FHIT: variants seen among roughly 807,000 people sequenced by gnomAD.
FHIT encodes bis(5'-adenosyl)-triphosphatase.
A neutral mutation model predicts 17.9 loss-of-function variants in FHIT; 19 were observed. That is an observed-to-expected ratio of 1.06 (90% CI 0.74 to 1.56). The LOEUF (loss-of-function observed/expected upper bound fraction) is 1.56. FHIT is among the 40% of genes most tolerant of loss of function. The pLI is 0.00. For synonymous variants in FHIT, 81 were observed against 69.7 expected (o/e 1.16, Z -0.81); for missense variants, 248 against 189.2 (o/e 1.31, Z -1.82).
intron 1 of FHIT, among the ~76,000 whole-genome samples, chr3:61,203,772 C>G (rs1160609001): frequency 6.6e-6 from 1 of 152,198 alleles, no homozygotes; most frequent in Non-Finnish European, 1.5e-5. Context: ...AGAAATACTA[C>G]TTAAGGCATT....
chr3:60,760,310 G>C (rs2051997119), intron 4 of FHIT, among the ~76,000 whole-genome samples: 1 of 152,212 alleles, frequency 6.6e-6, no homozygotes, highest in Admixed American at 6.5e-5. Context: ...CATGGTCTAG[G>C]AGCAGGTAGG....
intron 5 of FHIT, among the ~76,000 whole-genome samples, chr3:60,300,093 T>A (rs1474807100): frequency 6.6e-6 from 1 of 152,048 alleles, no homozygotes; most frequent in Non-Finnish European, 1.5e-5. Context: ...CCATATTGTT[T>A]CTTGTGTCTC....
intron 4 of FHIT, among the ~76,000 whole-genome samples, chr3:60,789,009 C>G (rs1256010593): frequency 1.3e-5 from 2 of 150,978 alleles, no homozygotes; most frequent in African/African-American, 4.9e-5. Flanking sequence ...GAAACACTGG[C>G]TAAAGACATT....
chr3:60,850,106 G>A (rs1703091219), intron 3 of FHIT, among the ~76,000 whole-genome samples: 1 of 151,884 alleles, frequency 6.6e-6, no homozygotes, highest in East Asian at 1.9e-4. Context: ...GAATTCTTAA[G>A]CATGCTATTT....
chr3:59,763,016 C>G (rs532644524), intron 8 of FHIT, among the ~76,000 whole-genome samples: 1 of 152,186 alleles, frequency 6.6e-6, no homozygotes, highest in South Asian at 2.1e-4. Context: ...ATTTCCTTGG[C>G]CAGTCATGTT....
rs112346764 is a variant in FHIT, at chr3:60,608,964, C to G, written c.-17-71985G>C. Among the ~76,000 whole-genome samples the G allele has an allele frequency of 5.4e-3, 821 of 150,718 alleles. 4 individuals carry two copies. Among genetic ancestry groups the G allele is most frequent in the African/African-American group, 0.018 (756 of 40,944 alleles). On this transcript the variant is annotated intron_variant, in intron 4 of 9. Transcript: ENST00000492590. The stretch of plus-strand genomic sequence containing the variant: ...AAAAACAAATTTATGTTTTAAAAGT[C>G]AGTTGATTCAAATAAATATTAAATA...
At chr3:60,300,068 C>T (rs1465115428) in intron 5 of FHIT, among the ~76,000 whole-genome samples, 1 of 152,016 alleles carries the variant, frequency 6.6e-6, no homozygotes, top group Non-Finnish European at 1.5e-5. Flanking sequence ...AAAACAACGT[C>T]TAGGGAATTC....
In FHIT at chr3:61,100,848, T is replaced by C. The variant is rs147341043; in HGVS notation, c.-163-58749A>G. Among the ~76,000 whole-genome samples, 818 of 152,366 alleles carry C rather than the reference T, an allele frequency of 5.4e-3. 2 individuals are homozygous for C. Among genetic ancestry groups the C allele is most frequent in the Non-Finnish European group, 7.7e-3 (523 of 68,034 alleles). ...TTTTTTCATGTGTCTGCTGACTGCA[T>C]AGATGTCTTCTTTTGAGAAGTGTCT... is the stretch of plus-strand genomic sequence containing the variant. On this transcript the variant is annotated intron_variant, in intron 2 of 9. Transcript: ENST00000492590.
intron 2 of FHIT, among the ~76,000 whole-genome samples, chr3:61,119,022 C>A (rs751626289): frequency 6.6e-6 from 1 of 152,056 alleles, no homozygotes; most frequent in African/African-American, 2.4e-5. Context: ...CAGTTTTGCA[C>A]GGAAGAGTGG....
At chr3:60,322,419 C>A (rs1709474583) in intron 5 of FHIT, among the ~76,000 whole-genome samples, 1 of 152,178 alleles carries the variant, frequency 6.6e-6, no homozygotes, top group Non-Finnish European at 1.5e-5. Flanking sequence ...AGTCAATAGG[C>A]ACAAATGAAT....
intron 5 of FHIT, among the ~76,000 whole-genome samples, chr3:60,037,368 G>C (rs1265755507): frequency 6.6e-6 from 1 of 150,766 alleles, no homozygotes; most frequent in African/African-American, 2.4e-5. Context: ...AACCCACTCA[G>C]CTTACTTAAA....
At chr3:60,418,386 A>G (rs868777984) in intron 5 of FHIT, among the ~76,000 whole-genome samples, 3 of 18,902 alleles carry the variant, frequency 1.6e-4, no homozygotes, top group Non-Finnish European at 3.9e-4. Flanking sequence ...GTATATATAT[A>G]TATATATATA....
At chr3:60,451,030 TTTAGGAGTTCTTGGGCCA>T (rs1332657349) in intron 5 of FHIT, among the ~76,000 whole-genome samples, 2 of 152,192 alleles carry the variant, frequency 1.3e-5, no homozygotes, top group African/African-American at 2.4e-5. Flanking sequence ...AAAACTTGTT[TTTAGGAGTTCTTGGGCCA>T]ACGAAGAAGG....
chr3:59,971,258 G>A (rs1708166556), intron 7 of FHIT, among the ~76,000 whole-genome samples: 2 of 152,068 alleles, frequency 1.3e-5, no homozygotes, highest in African/African-American at 4.8e-5. Context: ...CAGGGAATAC[G>A]AAATCTTTGA....
intron 5 of FHIT, among the ~76,000 whole-genome samples, chr3:60,154,295 A>G (rs1179611975): frequency 6.6e-6 from 1 of 152,236 alleles, no homozygotes; most frequent in Non-Finnish European, 1.5e-5. Flanking sequence ...ACATGCTTCA[A>G]TCCATATTAT....
intron 4 of FHIT, among the ~76,000 whole-genome samples, chr3:60,598,592 A>G (rs1281236308): frequency 6.6e-6 from 1 of 152,200 alleles, no homozygotes; most frequent in Non-Finnish European, 1.5e-5. Flanking sequence ...AGTTTATATA[A>G]TGATATATCA....
intron 5 of FHIT, among the ~76,000 whole-genome samples, chr3:60,472,074 T>A (rs2107449909): frequency 6.6e-6 from 1 of 151,814 alleles, no homozygotes; most frequent in Middle Eastern, 3.4e-3. Flanking sequence ...AAGTGATGGG[T>A]ACACTTAAAG....
At chr3:60,114,877 G>A (rs541566473) in intron 5 of FHIT, among the ~76,000 whole-genome samples, 1 of 152,254 alleles carries the variant, frequency 6.6e-6, no homozygotes, top group African/African-American at 2.4e-5. Flanking sequence ...TCAACTGACA[G>A]AAGAGAGAGG....
intron 5 of FHIT, among the ~76,000 whole-genome samples, chr3:60,288,170 G>A (rs1707817432): frequency 6.6e-6 from 1 of 152,138 alleles, no homozygotes; most frequent in Non-Finnish European, 1.5e-5. Flanking sequence ...CCTTGCTAGA[G>A]GAAGCTCTCC....
Sources: gnomAD v4.1 joint callset for allele counts (sites outside exome capture counted in the v4.1 genomes callset) on GRCh38, gnomAD v4.1.1 for gene constraint, MANE v1.5 for transcripts, NCBI Gene and HGNC (gene_info 2026-07-23, HGNC 2026-07-21) for gene names.